UBE3A: variants seen among roughly 807,000 people sequenced by gnomAD.
The protein encoded by UBE3A is ubiquitin protein ligase E3A, also known as ubiquitin-protein ligase E3A.
In UBE3A, 6 loss-of-function variants were observed where a neutral mutation model predicts 83.4. That is an observed-to-expected ratio of 0.07 (90% confidence interval 0.04 to 0.14). The LOEUF is 0.14. UBE3A is among the 10% of genes least tolerant of loss of function. UBE3A has a pLI of 1.00. For synonymous variants in UBE3A, 337 were observed against 355.4 expected (o/e 0.95, Z 0.58); for missense variants, 456 against 1,036.1 (o/e 0.44, Z 7.69).
chr15:25,344,007 G>A (rs1442422378), intron 11 of UBE3A, among the ~76,000 whole-genome samples: 1 of 152,140 alleles, frequency 6.6e-6, no homozygotes, highest in Non-Finnish European at 1.5e-5. Flanking sequence ...TAAACTGCTG[G>A]TGGGAATGCA....
chr15:25,423,625 T>C (rs912940965), intron 1 of UBE3A, among the ~76,000 whole-genome samples: 4 of 152,200 alleles, frequency 2.6e-5, no homozygotes, highest in Non-Finnish European at 5.9e-5. Flanking sequence ...AGGACAATTT[T>C]TCATTAAGGC....
chr15:25,390,536 G>A (rs2524357), intron 4 of UBE3A, among the ~76,000 whole-genome samples: 4,769 of 152,202 alleles, frequency 0.031, 101 homozygotes, highest in Non-Finnish European at 0.047. Context: ...AGCTGAAAGG[G>A]CTATATACTG....
In UBE3A at chr15:25,437,256, TTTC is replaced by T. The variant is rs199523539; in HGVS notation, c.-165+1230_-165+1232del. 2.7e-3 allele frequency among the ~76,000 whole-genome samples: 404 copies of T among 152,296 alleles called. 7 individuals are homozygous for T. The East Asian group carries it at 0.033, about 12-fold the overall frequency. Reference sequence around the variant, plus strand: ...TCCACTATACACACCAAGTTACAACTTTCTTATCTCTCCTAAATTCTAAATTTT... The same window carrying T: ...TCCACTATACACACCAAGTTACAACTTTATCTCTCCTAAATTCTAAATTTT... On this transcript the variant is annotated intron_variant, in intron 1 of 12. Transcript: ENST00000648336.
intron 11 of UBE3A, among the ~76,000 whole-genome samples, chr15:25,345,240 A>G (rs2075474190): frequency 6.6e-6 from 1 of 152,134 alleles, no homozygotes; most frequent in African/African-American, 2.4e-5. Flanking sequence ...TACAGGATCT[A>G]ATTTGCAGAT....
In UBE3A at chr15:25,334,359, T is replaced by A. The variant is rs958768446; in HGVS notation, c.*4778A>T. 6.6e-6 allele frequency: 1 copy of A among 152,066 alleles called. No homozygotes were observed. Among genetic ancestry groups the A allele is most frequent in the African/African-American group, 2.4e-5 (1 of 41,424 alleles). The allele number at this position is 152,066 out of a possible 1,614,324, so 9.4% of individuals were successfully genotyped here. On this transcript the variant is annotated 3_prime_UTR_variant, in exon 13 of 13. Transcript: ENST00000648336. Reference sequence around the variant, plus strand: ...AATACTTAGAAAAAAATTAAAGACGTCAAGACTTGCACACTGAAATCTCTA... The same window carrying A: ...AATACTTAGAAAAAAATTAAAGACGACAAGACTTGCACACTGAAATCTCTA...
chr15:25,390,306 G>A (rs1012861323), intron 4 of UBE3A, among the ~76,000 whole-genome samples: 20 of 152,120 alleles, frequency 1.3e-4, no homozygotes, highest in African/African-American at 4.8e-4. Context: ...TTTACAGAAA[G>A]TCGCTGAAAA....
chr15:25,430,158 TATAAG>T (rs1354748807), intron 1 of UBE3A, among the ~76,000 whole-genome samples: 11 of 24,562 alleles, frequency 4.5e-4, no homozygotes, highest in South Asian at 2.5e-3. Flanking sequence ...AATACATATA[TATAAG>T]ATTATATATA....
intron 4 of UBE3A, among the ~76,000 whole-genome samples, chr15:25,399,515 G>C (rs868792656): frequency 6.6e-6 from 1 of 152,000 alleles, no homozygotes; most frequent in African/African-American, 2.4e-5. Flanking sequence ...GATAGTACAC[G>C]AATTTATTTC....
chr15:25,419,972 A>G (rs1888950788), intron 1 of UBE3A, among the ~76,000 whole-genome samples: 1 of 152,112 alleles, frequency 6.6e-6, no homozygotes, highest in South Asian at 2.1e-4. Context: ...GCAGAAAAGG[A>G]AGAAAAGATT....
intron 4 of UBE3A, among the ~76,000 whole-genome samples, chr15:25,397,939 G>A (rs2085955607): frequency 6.6e-6 from 1 of 152,004 alleles, no homozygotes; most frequent in Non-Finnish European, 1.5e-5. Context: ...GTCTTTGTTA[G>A]ACATACTAAA....
intron 6 of UBE3A, among the ~76,000 whole-genome samples, chr15:25,367,231 G>A (rs1304347127): frequency 1.3e-5 from 1 of 75,088 alleles, no homozygotes; most frequent in Non-Finnish European, 2.5e-5. Flanking sequence ...TTACATATTT[G>A]TAAATATGTA....
Position 25,370,575 on chromosome 15 carries a change from T to C in UBE3A, c.1599A>G (p.Ala533=), listed in dbSNP as rs1447040234. 1.2e-6 allele frequency: 2 copies of C among 1,614,108 alleles called. No individual in the cohort carries two copies. The highest frequency in any genetic ancestry group is 8.5e-7 in the Non-Finnish European group (1 of 1,179,984). The change falls in exon 6 of 13, where the codon GCA becomes GCG. Residue 533 remains alanine, a synonymous_variant. Transcript: ENST00000648336. This position sits in a 1 kb window ranked among gnomAD's most constrained non-coding sequence, Gnocchi z 4.2. The stretch of plus-strand genomic sequence containing the variant: ...TAGCAGCCCAACTTACCCGGACAAG[T>C]GCATCATCTATGATATGGTCACGTC... The part of the protein sequence containing the change: ...KVRRDHIIDD[A]LVRLEMIAME...
At chr15:25,373,906 T>A (rs1157299501) in intron 5 of UBE3A, 3 of 152,188 alleles carry the variant, frequency 2.0e-5, no homozygotes, top group African/African-American at 7.2e-5. Flanking sequence ...GAGAAAGACA[T>A]TTTTATAAGA....
chr15:25,437,461 A>C (rs11161177), intron 1 of UBE3A, among the ~76,000 whole-genome samples: 1 of 152,158 alleles, frequency 6.6e-6, no homozygotes, highest in Admixed American at 6.5e-5. Context: ...CCCAAAAAAA[A>C]CTGTAATAAT....
intron 2 of UBE3A, 77 bp from the exon 3 acceptor site, chr15:25,409,284 A>T: frequency 2.1e-6 from 1 of 487,800 alleles, no homozygotes; most frequent in South Asian, 5.6e-5. Flanking sequence ...ATAATATTCA[A>T]AGCTTCAAAT....
chr15:25,350,086 T>C (rs1014986738), intron 11 of UBE3A, among the ~76,000 whole-genome samples: 3 of 152,196 alleles, frequency 2.0e-5, no homozygotes, highest in African/African-American at 7.2e-5. Flanking sequence ...GGCAACATAG[T>C]GAGACCCTGT....
chr15:25,429,991 C>T (rs1411563704), intron 1 of UBE3A, among the ~76,000 whole-genome samples: 1 of 117,726 alleles, frequency 8.5e-6, no homozygotes, highest in African/African-American at 4.0e-5. Flanking sequence ...GGCAACAGGG[C>T]GAGACTACAT....
chr15:25,409,390 C>T (rs1312151028), intron 2 of UBE3A, 183 bp from the exon 3 acceptor site: 1 of 341,166 alleles, frequency 2.9e-6, no homozygotes, highest in Non-Finnish European at 5.4e-6. Context: ...ATGATCTCTT[C>T]ATTTGAGAAA....
At chr15:25,353,751 T>C (rs541079256) in intron 11 of UBE3A, among the ~76,000 whole-genome samples, 1 of 152,228 alleles carries the variant, frequency 6.6e-6, no homozygotes, top group Admixed American at 6.5e-5. Flanking sequence ...TAGCAGGGGA[T>C]GGGGAAGCCT....
Sources: gnomAD v4.1 joint callset for allele counts (sites outside exome capture counted in the v4.1 genomes callset) on GRCh38, gnomAD v4.1.1 for gene constraint, Gnocchi (gnomAD v3.1) non-coding constraint, MANE v1.5 for transcripts, NCBI Gene and HGNC (gene_info 2026-07-23, HGNC 2026-07-21) for gene names.